IQSEC1: variants seen among roughly 807,000 people sequenced by gnomAD.
IQSEC1 encodes the protein IQ motif and SEC7 domain-containing protein 1.
A neutral mutation model predicts 91.0 loss-of-function variants in IQSEC1; 31 were observed. The observed-to-expected ratio is 0.34, with a 90% CI of 0.26 to 0.46. IQSEC1 has a LOEUF of 0.46. IQSEC1 is among the 20% of genes least tolerant of loss of function. The pLI is 1.00. For synonymous variants in IQSEC1, 699 were observed against 662.6 expected (o/e 1.05, Z -0.84); for missense variants, 1,388 against 1,575.6 (o/e 0.88, Z 2.02).
At chr3:13,097,862 G>A (rs1320249644) in intron 2 of IQSEC1, among the ~76,000 whole-genome samples, 5 of 152,246 alleles carry the variant, frequency 3.3e-5, no homozygotes, top group Non-Finnish European at 7.3e-5. Flanking sequence ...GCCTGCGCCT[G>A]TGTGCAGCCC....
At chr3:13,277,396 G>C (rs1237866623) in intron 1 of IQSEC1, among the ~76,000 whole-genome samples, 1 of 152,144 alleles carries the variant, frequency 6.6e-6, no homozygotes, top group Admixed American at 6.5e-5. Context: ...ACTTTATTTC[G>C]CACACAGTGC....
chr3:12,941,724 G>A lies in IQSEC1; in HGVS notation c.165C>T (p.Tyr55=). The A allele has an allele frequency of 6.2e-7, 1 of 1,612,534 alleles. No individual in the cohort carries two copies. The highest frequency in any genetic ancestry group is 8.5e-7 in the Non-Finnish European group (1 of 1,179,980). ...GCTGCTGTTGCCCCGGCGGCCCCGA[G>A]TACAGCCCATAGGCTCCCACTGACG... ...EHTSVGAYGL[Y]SGPPGQQQRT... Residue 55 remains tyrosine, a synonymous_variant, in exon 2 of 14, where the codon TAC becomes TAT. Coordinates refer to ENST00000613206, the MANE Select transcript of IQSEC1 (RefSeq NM_001134382.3).
chr3:13,099,500 TCCCCGGGTGCATCTGTGG>T (rs1706021827), intron 2 of IQSEC1, among the ~76,000 whole-genome samples: 3 of 152,092 alleles, frequency 2.0e-5, no homozygotes, highest in African/African-American at 7.2e-5. Flanking sequence ...GAGCTGGGTG[TCCCCGGGTGCATCTGTGG>T]CCCTCAGAAG....
Position 13,002,955 on chromosome 3 carries a change from C to T in IQSEC1, c.24-61090G>A, listed in dbSNP as rs554312613. 5.3e-5 allele frequency among the ~76,000 whole-genome samples: 8 copies of T among 152,162 alleles called. No homozygotes were observed. The South Asian group carries it at 1.7e-3, about 32-fold the overall frequency. On this transcript the variant is annotated intron_variant, in intron 1 of 13. Transcript: ENST00000613206. ...AGTTAAACAGAGAGTTACTATGTGACCCAGCAATTCCACTTCTAGGTATCT... is the reference window on the plus strand; with the variant it reads ...AGTTAAACAGAGAGTTACTATGTGATCCAGCAATTCCACTTCTAGGTATCT...
intron 2 of IQSEC1, among the ~76,000 whole-genome samples, chr3:13,096,986 A>G (rs1016716723): frequency 1.3e-5 from 2 of 151,030 alleles, no homozygotes; most frequent in Non-Finnish European, 2.9e-5. Context: ...TCAGCCTCCC[A>G]AGTAGCTGGG....
At chr3:13,032,387 C>T (rs941310791) in intron 1 of IQSEC1, among the ~76,000 whole-genome samples, 1 of 152,184 alleles carries the variant, frequency 6.6e-6, no homozygotes, top group South Asian at 2.1e-4. Flanking sequence ...CAGCGCAGGG[C>T]GGCACGGGGA....
intron 1 of IQSEC1, among the ~76,000 whole-genome samples, chr3:13,071,237 G>A (rs1405174979): frequency 4.0e-5 from 6 of 148,598 alleles, no homozygotes. Flanking sequence ...CCCCAGGCTA[G>A]TATACTCCAG....
intron 1 of IQSEC1, among the ~76,000 whole-genome samples, chr3:13,205,417 G>C (rs777319666): frequency 6.6e-6 from 1 of 151,968 alleles, no homozygotes; most frequent in Non-Finnish European, 1.5e-5. Context: ...AATCTGAAAC[G>C]TTCCTGTTAG....
chr3:12,943,701 C>A (rs987435870), intron 1 of IQSEC1, among the ~76,000 whole-genome samples: 1 of 152,254 alleles, frequency 6.6e-6, no homozygotes, highest in African/African-American at 2.4e-5. Flanking sequence ...CTGCTCCTCA[C>A]GAGGCCTGCA....
At chr3:13,228,248 A>G (rs547579799) in intron 1 of IQSEC1, among the ~76,000 whole-genome samples, 13 of 152,322 alleles carry the variant, frequency 8.5e-5, no homozygotes, top group African/African-American at 3.1e-4. Flanking sequence ...GCATAGGAAC[A>G]CACTGTACTA....
intron 9 of IQSEC1, among the ~76,000 whole-genome samples, chr3:12,912,600 C>CT (rs1372868584): frequency 7.0e-6 from 1 of 142,378 alleles, no homozygotes; most frequent in African/African-American, 2.6e-5. Context: ...GGAAGCGGAG[C>CT]TTGCAGTGAG....
At chr3:13,029,092 T>C (rs1703742201) in intron 1 of IQSEC1, among the ~76,000 whole-genome samples, 1 of 152,198 alleles carries the variant, frequency 6.6e-6, no homozygotes, top group Non-Finnish European at 1.5e-5. Flanking sequence ...ATATAGAAGA[T>C]CACGAATATA....
chr3:13,037,871 T>A (rs1372242162), intron 1 of IQSEC1, among the ~76,000 whole-genome samples: 1 of 150,000 alleles, frequency 6.7e-6, no homozygotes, highest in Non-Finnish European at 1.5e-5. Context: ...GAGGGGGGAG[T>A]TAGTGTTTAA....
chr3:13,184,586 G>A (rs1208136437), intron 1 of IQSEC1, among the ~76,000 whole-genome samples: 5 of 152,124 alleles, frequency 3.3e-5, no homozygotes, highest in Non-Finnish European at 1.5e-5. Context: ...TCACCCCACA[G>A]GTCCTAACAA....
At chr3:13,150,061 A>G (rs2124957343) in intron 2 of IQSEC1, among the ~76,000 whole-genome samples, 1 of 152,248 alleles carries the variant, frequency 6.6e-6, no homozygotes, top group South Asian at 2.1e-4. Flanking sequence ...GCCCTATTAC[A>G]CCTCAAATTT....
intron 12 of IQSEC1, among the ~76,000 whole-genome samples, chr3:12,906,774 C>T (rs967973609): frequency 3.9e-5 from 6 of 152,220 alleles, no homozygotes; most frequent in Admixed American, 2.0e-4. Flanking sequence ...GGATGGCGCT[C>T]AAGGGCCTCG....
At chr3:13,034,593 C>A (rs1016281628) in intron 1 of IQSEC1, among the ~76,000 whole-genome samples, 2 of 152,238 alleles carry the variant, frequency 1.3e-5, no homozygotes, top group Admixed American at 1.3e-4. Context: ...TCTGGACGGG[C>A]TCAGTGAGGA....
At chr3:13,184,960 C>A (rs1183115442) in intron 1 of IQSEC1, among the ~76,000 whole-genome samples, 1 of 152,080 alleles carries the variant, frequency 6.6e-6, no homozygotes, top group African/African-American at 2.4e-5. Flanking sequence ...CCGAGTAGGG[C>A]CATGGGTCTA....
In IQSEC1 at chr3:12,967,341, C is replaced by T. The variant is rs980946821; in HGVS notation, c.24-25476G>A. ...CATCCCCACAGCCTGCGCCAGCCCA[C>T]CGCTCAGCACCCGGGAAGGCCGCTC... On this transcript the variant is annotated intron_variant, in intron 1 of 13. Transcript: ENST00000613206. The surrounding 1 kb of genome is among the most constrained non-coding windows in gnomAD (Gnocchi z 5.9). 1.5e-5 allele frequency: 23 copies of T among 1,492,498 alleles called. No homozygotes were observed. The highest frequency in any genetic ancestry group is 3.7e-5 in the South Asian group (3 of 81,916). The allele number at this position is 1,492,498 out of a possible 1,614,324, so 92.5% of individuals were successfully genotyped here.
Sources: allele counts gnomAD v4.1 joint callset (sites outside exome capture counted in the v4.1 genomes callset), GRCh38; gene constraint gnomAD v4.1.1; non-coding constraint Gnocchi (gnomAD v3.1); transcripts MANE v1.5; gene names NCBI Gene and HGNC (gene_info 2026-07-23, HGNC 2026-07-21).